Variants in RAPGEF5 observed in about 807,000 individuals in gnomAD.
The protein encoded by RAPGEF5 is Rap guanine nucleotide exchange factor 5.
RAPGEF5 carries 65 observed loss-of-function variants against 125.2 expected under a neutral mutation model. That is an observed-to-expected ratio of 0.52 (90% CI 0.43 to 0.64). RAPGEF5 has a LOEUF of 0.64. Ranked by LOEUF, RAPGEF5 falls within the 30% of genes least tolerant of loss-of-function variation. The pLI is 0.00. For synonymous variants in RAPGEF5, 391 were observed against 385.9 expected (o/e 1.01, Z -0.16); for missense variants, 958 against 1,048.1 (o/e 0.91, Z 1.19).
At chr7:22,180,942 T>C (rs1175386162) in intron 11 of RAPGEF5, among the ~76,000 whole-genome samples, 2 of 152,206 alleles carry the variant, frequency 1.3e-5, no homozygotes, top group African/African-American at 2.4e-5. Context: ...TTCTGAGATA[T>C]GCACACTATG....
At chr7:22,206,816 T>G (rs1785408707) in intron 9 of RAPGEF5, among the ~76,000 whole-genome samples, 2 of 151,940 alleles carry the variant, frequency 1.3e-5, no homozygotes, top group African/African-American at 4.8e-5. Flanking sequence ...ATAAAAAACA[T>G]TTCCACTCAT....
chr7:22,317,242 C>CT (rs67830846), intron 2 of RAPGEF5, among the ~76,000 whole-genome samples: 2,143 of 134,098 alleles, frequency 0.016, 40 homozygotes, highest in African/African-American at 0.048. Flanking sequence ...CTTTTTTTTT[C>CT]TTTTTTTTTT....
At position 22,312,584 on chromosome 7, in the gene RAPGEF5, A is replaced by G. The variant is rs116607167; in HGVS notation, c.390-2494T>C. ...CCCAATCCCCCAGATCCCCCTTCTCATTGGGAAGAGCTCACTCTGTTTTGG... is the reference window on the plus strand; with the variant it reads ...CCCAATCCCCCAGATCCCCCTTCTCGTTGGGAAGAGCTCACTCTGTTTTGG... On this transcript the variant is annotated intron_variant, in intron 3 of 25. Transcript: ENST00000665637. Among the ~76,000 whole-genome samples, 656 of 152,110 alleles carry G rather than the reference A, an allele frequency of 4.3e-3. 6 individuals are homozygous for G. Among genetic ancestry groups the G allele is most frequent in the African/African-American group, 0.015 (615 of 41,500 alleles).
At chr7:22,319,276 A>G (rs1783666162) in intron 1 of RAPGEF5, among the ~76,000 whole-genome samples, 1 of 152,194 alleles carries the variant, frequency 6.6e-6, no homozygotes, top group South Asian at 2.1e-4. Context: ...TGCCGCCTCC[A>G]TGTCTGAGAA....
chr7:22,295,329 A>C (rs938793473), intron 5 of RAPGEF5, among the ~76,000 whole-genome samples: 2 of 152,252 alleles, frequency 1.3e-5, no homozygotes, highest in Admixed American at 1.3e-4. Flanking sequence ...AGGTTTCATT[A>C]AGAGTCCAGA....
chr7:22,159,857 C>T (rs948409688), intron 14 of RAPGEF5, among the ~76,000 whole-genome samples: 47 of 152,214 alleles, frequency 3.1e-4, no homozygotes, highest in African/African-American at 1.1e-3. Context: ...ACTTGTAATC[C>T]CAGCACTTTG....
chr7:22,143,314 T>G (rs1783324531), intron 20 of RAPGEF5, among the ~76,000 whole-genome samples: 1 of 152,174 alleles, frequency 6.6e-6, no homozygotes, highest in South Asian at 2.1e-4. Context: ...GGTCTCTTCT[T>G]GCCTAAGAAA....
intron 11 of RAPGEF5, among the ~76,000 whole-genome samples, chr7:22,169,212 C>T (rs1418740933): frequency 6.6e-6 from 1 of 152,076 alleles, no homozygotes; most frequent in Admixed American, 6.6e-5. Flanking sequence ...GAGCCAGGGG[C>T]CCCCTACTAG....
intron 9 of RAPGEF5, among the ~76,000 whole-genome samples, chr7:22,203,643 G>C (rs2128128771): frequency 6.6e-6 from 1 of 152,316 alleles, no homozygotes; most frequent in African/African-American, 2.4e-5. Flanking sequence ...CAGAGACTCG[G>C]AGGTACATCC....
chr7:22,270,859 A>G (rs1159898903), intron 6 of RAPGEF5, among the ~76,000 whole-genome samples: 1 of 152,246 alleles, frequency 6.6e-6, no homozygotes, highest in Non-Finnish European at 1.5e-5. Context: ...AATGGGATAA[A>G]GGAAGACTAG....
At chr7:22,219,784 T>C in intron 9 of RAPGEF5, 82 bp downstream of exon 9, 2 of 1,463,656 alleles carry the variant, frequency 1.4e-6, no homozygotes, top group Non-Finnish European at 1.8e-6. Context: ...TAAAATAAAA[T>C]AGTCTTTCGT....
At chr7:22,183,268 C>CAAAA (rs757079018) in intron 11 of RAPGEF5, among the ~76,000 whole-genome samples, 22 of 30,958 alleles carry the variant, frequency 7.1e-4, no homozygotes, top group South Asian at 1.3e-3. Context: ...GACTCCATCA[C>CAAAA]AAAAAAAAAA....
chr7:22,209,763 C>G (rs1331012414), intron 9 of RAPGEF5, among the ~76,000 whole-genome samples: 1 of 152,126 alleles, frequency 6.6e-6, no homozygotes, highest in African/African-American at 2.4e-5. Flanking sequence ...TCAGCCCAGC[C>G]TCACTTTAGG....
At chr7:22,166,118 G>T (rs1414802110) in intron 12 of RAPGEF5, among the ~76,000 whole-genome samples, 3 of 146,350 alleles carry the variant, frequency 2.0e-5, no homozygotes, top group African/African-American at 7.5e-5. Flanking sequence ...TTTAGAGATG[G>T]GGTCTCACTA....
intron 23 of RAPGEF5, among the ~76,000 whole-genome samples, chr7:22,131,674 C>T (rs1223270833): frequency 1.3e-5 from 2 of 152,020 alleles, no homozygotes; most frequent in African/African-American, 2.4e-5. Context: ...TGGCCCCATT[C>T]GACTAGTAGA....
At chr7:22,186,497 A>T (rs1435902683) in intron 11 of RAPGEF5, among the ~76,000 whole-genome samples, 1 of 152,184 alleles carries the variant, frequency 6.6e-6, no homozygotes, top group Non-Finnish European at 1.5e-5. Flanking sequence ...TTATTTAGCA[A>T]CCCATCATCT....
At chr7:22,316,421 A>G (rs1186060423) in intron 2 of RAPGEF5, among the ~76,000 whole-genome samples, 2 of 148,484 alleles carry the variant, frequency 1.3e-5, no homozygotes, top group Admixed American at 6.7e-5. Flanking sequence ...ATACATACAC[A>G]CACATATATA....
intron 1 of RAPGEF5, among the ~76,000 whole-genome samples, chr7:22,324,251 A>G (rs918435866): frequency 4.6e-5 from 7 of 152,188 alleles, no homozygotes; most frequent in Non-Finnish European, 5.9e-5. Flanking sequence ...ACAAACTCAA[A>G]TTGAGGGGCA....
At chr7:22,210,798 T>C (rs536377077) in intron 9 of RAPGEF5, among the ~76,000 whole-genome samples, 1 of 151,166 alleles carries the variant, frequency 6.6e-6, no homozygotes, top group African/African-American at 2.4e-5. Context: ...TATTTCTCCA[T>C]TTTTTTTTAA....
Sources: allele counts gnomAD v4.1 joint callset (sites outside exome capture counted in the v4.1 genomes callset), GRCh38; gene constraint gnomAD v4.1.1; transcripts MANE v1.5; gene names NCBI Gene and HGNC (gene_info 2026-07-23, HGNC 2026-07-21).